The following HELZ variants were observed in gnomAD, a reference collection of about 807,000 sequenced individuals.
HELZ encodes the protein ATP-dependent RNA helicase with zinc finger domain.
Under a neutral mutation model 218.2 loss-of-function variants are expected in HELZ, and 23 were observed. The observed-to-expected ratio is 0.11, with a 90% CI of 0.08 to 0.15. The LOEUF (loss-of-function observed/expected upper bound fraction) is 0.15, where lower values mean the gene tolerates loss of function less well. HELZ is among the 10% of genes least tolerant of loss of function. The pLI, the probability that HELZ is intolerant of heterozygous loss-of-function variation, is 1.00. For synonymous variants in HELZ, 814 were observed against 829.4 expected (o/e 0.98, Z 0.32); for missense variants, 1,813 against 2,353.7 (o/e 0.77, Z 4.75).
chr17:67,137,821 G>A (rs1434118524), intron 22 of HELZ, 110 bp downstream of exon 22: 5 of 796,936 alleles, frequency 6.3e-6, no homozygotes, highest in Non-Finnish European at 9.4e-6. Context: ...AACTTGATAT[G>A]AAATGAACAC....
chr17:67,107,443 T>G lies in HELZ; in HGVS notation c.4967A>C (p.Gln1656Pro). The G allele has an allele frequency of 6.2e-7, 1 of 1,614,164 alleles. No homozygotes were observed. The highest frequency in any genetic ancestry group is 8.5e-7 in the Non-Finnish European group (1 of 1,180,022). ...NPAFPQRLPP[Q>P]IFNSPFSLPS... is the part of the protein sequence containing the mutation. ...CAACGAGAAAGGTGAGTTGAATATC[T>G]GGGGTGGGAGGCGCTGTGGAAATGC... is the stretch of plus-strand genomic sequence containing the variant. The change falls in exon 31 of 33, where the codon CAG (glutamine) becomes CCG (proline). Residue 1656 changes from glutamine to proline, a missense_variant. By Grantham distance (76) the Gln-to-Pro change is moderately conservative. Transcript: ENST00000358691.
At chr17:67,086,798 A>G in intron 32 of HELZ, 31 bp downstream of exon 32, 2 of 1,611,014 alleles carry the variant, frequency 1.2e-6, no homozygotes, top group Non-Finnish European at 1.7e-6. Context: ...TGAGGAGTAC[A>G]GATTAGTTTT....
chr17:67,109,791 T>G lies in HELZ; in HGVS notation c.3919-105A>C, dbSNP rs575992899. Reference sequence around the variant, plus strand: ...ATCTAAAGGATATGATACATTGATATCTTCCAGCAGGAGAGCTGAGTGCTC... The same window carrying G: ...ATCTAAAGGATATGATACATTGATAGCTTCCAGCAGGAGAGCTGAGTGCTC... On this transcript the variant is annotated intron_variant, in intron 28 of 32. Transcript: ENST00000358691. The G allele has an allele frequency of 2.6e-5, 20 of 776,626 alleles. No individual in the cohort carries two copies. In the East Asian group the frequency reaches 5.0e-4, roughly 20 times the overall value. 48.1% of individuals were successfully genotyped at this position (776,626 alleles called of 1,614,324 possible).
At chr17:67,123,876 C>A in intron 25 of HELZ, 87 bp downstream of exon 25, 1 of 836,894 alleles carries the variant, frequency 1.2e-6, no homozygotes, top group Non-Finnish European at 2.1e-6. Flanking sequence ...AAACCATCTC[C>A]CCACCCTCCT....
intron 15 of HELZ, among the ~76,000 whole-genome samples, chr17:67,163,355 G>A (rs1192174488): frequency 1.3e-5 from 2 of 152,116 alleles, no homozygotes; most frequent in East Asian, 3.9e-4. Flanking sequence ...GCCAATGAGT[G>A]GAACAACTTG....
At chr17:67,111,468 C>A (rs1037050173) in intron 28 of HELZ, among the ~76,000 whole-genome samples, 2 of 152,104 alleles carry the variant, frequency 1.3e-5, no homozygotes, top group Non-Finnish European at 2.9e-5. Context: ...AGAGCACTTG[C>A]CTCACCCTAG....
At chr17:67,121,303 T>C (rs1243705716) in intron 26 of HELZ, among the ~76,000 whole-genome samples, 1 of 152,198 alleles carries the variant, frequency 6.6e-6, no homozygotes, top group Non-Finnish European at 1.5e-5. Context: ...ATGCAAACTC[T>C]CAGAAATCTT....
At position 67,089,696 on chromosome 17, in the gene HELZ, G is replaced by GAGAGAGAGAGAGACAGAGAC. The variant is rs34752223; in HGVS notation, c.5242-2616_5242-2615insGTCTCTGTCTCTCTCTCTCT. On this transcript the variant is annotated intron_variant, in intron 31 of 32. Transcript: ENST00000358691. ...AGAGAGAGAGAGAGAGAGAGAGAGA[G>GAGAGAGAGAGAGACAGAGAC]AGAGACAGAGAGACAGAGAGAGAGA... is the stretch of plus-strand genomic sequence containing the variant. Among the ~76,000 whole-genome samples, 6 of 122,702 alleles carry GAGAGAGAGAGAGACAGAGAC rather than the reference G, an allele frequency of 4.9e-5. No homozygotes were observed. The South Asian group carries it at 8.3e-4, about 17-fold the overall frequency. The allele number at this position is 122,702 out of a possible 152,430, so 80.5% of individuals were successfully genotyped here.
Position 67,128,838 on chromosome 17 carries a change from A to C in HELZ, c.3200T>G (p.Phe1067Cys), listed in dbSNP as rs757699823. ...IGRCRKFWERFIALCHENSSL... is the reference protein window; with the variant it reads ...IGRCRKFWERCIALCHENSSL... Reference sequence around the variant, plus strand: ...ACTGTTTTCATGACACAGGGCAATAAACCGTTCCCAAAATTTCCTACAGAA... The same window carrying C: ...ACTGTTTTCATGACACAGGGCAATACACCGTTCCCAAAATTTCCTACAGAA... The change falls in exon 24 of 33, where the codon TTT (phenylalanine) becomes TGT (cysteine). Residue 1067 changes from phenylalanine (F) to cysteine (C), a missense_variant. By Grantham distance (205) the Phe-to-Cys change is radical (BLOSUM62 -2). Coordinates refer to ENST00000358691, the MANE Select transcript of HELZ (RefSeq NM_014877.4). 6.2e-7 allele frequency: 1 copy of C among 1,613,820 alleles called. No individual in the cohort carries two copies. The highest frequency in any genetic ancestry group is 1.3e-5 in the African/African-American group (1 of 74,924).
intron 17 of HELZ, among the ~76,000 whole-genome samples, chr17:67,156,225 T>C (rs1396967283): frequency 2.6e-5 from 4 of 151,886 alleles, no homozygotes; most frequent in Admixed American, 6.6e-5. Context: ...TAAATACTAA[T>C]CTAAAACAAA....
chr17:67,114,879 G>GTAATAGATA (rs1218519339), intron 27 of HELZ, among the ~76,000 whole-genome samples: 2 of 152,168 alleles, frequency 1.3e-5, no homozygotes, highest in African/African-American at 2.4e-5. Flanking sequence ...CTGCTTAAAA[G>GTAATAGATA]TAATAGATAT....
intron 31 of HELZ, among the ~76,000 whole-genome samples, chr17:67,100,387 G>C (rs1424798455): frequency 6.6e-6 from 1 of 152,162 alleles, no homozygotes; most frequent in Non-Finnish European, 1.5e-5. Flanking sequence ...TTTACTGAAA[G>C]CTGATCAAAG....
chr17:67,149,481 C>CA (rs538545134), intron 19 of HELZ, among the ~76,000 whole-genome samples: 2 of 151,218 alleles, frequency 1.3e-5, no homozygotes, highest in African/African-American at 2.4e-5. Context: ...TCTATTACAC[C>CA]AAAAAAAATT....
At chr17:67,240,195 G>C (rs184560942) in intron 2 of HELZ, among the ~76,000 whole-genome samples, 31 of 152,288 alleles carry the variant, frequency 2.0e-4, no homozygotes, top group African/African-American at 7.0e-4. Context: ...ACTTATCACA[G>C]AAAATAAGAA....
Position 67,074,268 on chromosome 17 carries a change from T to C in HELZ, c.*3984A>G, listed in dbSNP as rs976524040. ...GCTGGAGGGAAAAAAAAAAACACAATGGCTAGCTTACATGACATTTGAAAG... is the reference window on the plus strand; with the variant it reads ...GCTGGAGGGAAAAAAAAAAACACAACGGCTAGCTTACATGACATTTGAAAG... On this transcript the variant is annotated 3_prime_UTR_variant, in exon 33 of 33. Coordinates refer to ENST00000358691, the MANE Select transcript of HELZ (RefSeq NM_014877.4). 3.4e-5 allele frequency: 5 copies of C among 148,844 alleles called. No individual in the cohort carries two copies. Among genetic ancestry groups the C allele is most frequent in the Non-Finnish European group, 7.4e-5 (5 of 67,480 alleles). The allele number at this position is 148,844 out of a possible 1,614,324, so 9.2% of individuals were successfully genotyped here. A position where few individuals can be genotyped will look rare whatever the true frequency, so the allele number is the denominator to read the frequency against.
At chr17:67,129,821 CAT>C (rs980401188) in intron 23 of HELZ, among the ~76,000 whole-genome samples, 12 of 151,926 alleles carry the variant, frequency 7.9e-5, no homozygotes, top group African/African-American at 2.7e-4. Context: ...CAAAAGACAA[CAT>C]ATAAAGTTTT....
chr17:67,126,794 G>A (rs1251847545), intron 24 of HELZ, among the ~76,000 whole-genome samples: 1 of 152,122 alleles, frequency 6.6e-6, no homozygotes, highest in Non-Finnish European at 1.5e-5. Flanking sequence ...CCGGGAGGCG[G>A]AGGCTGCAGT....
rs532587770 is a variant in HELZ, at chr17:67,138,225, T to A, written c.2770-111A>T. 1.9e-4 allele frequency: 103 copies of A among 541,802 alleles called. No individual in the cohort carries two copies. Among genetic ancestry groups the A allele is most frequent in the East Asian group, 4.8e-4 (13 of 27,314 alleles). The allele number at this position is 541,802 out of a possible 1,614,324, so 33.6% of individuals were successfully genotyped here. On this transcript the variant is annotated intron_variant, in intron 21 of 32. Coordinates refer to ENST00000358691, the MANE Select transcript of HELZ (RefSeq NM_014877.4). The stretch of plus-strand genomic sequence containing the variant: ...GGATCCCATTTTAGCAGATGTCATT[T>A]AAAAAAAAAAAAAAACTACCCCTAA...
intron 21 of HELZ, among the ~76,000 whole-genome samples, chr17:67,143,083 T>TA: frequency 6.6e-6 from 1 of 152,198 alleles, no homozygotes; most frequent in South Asian, 2.1e-4. Context: ...TTAAAAATGA[T>TA]AAAAAGAGGT....
Sources: gnomAD v4.1 joint callset for allele counts (sites outside exome capture counted in the v4.1 genomes callset) on GRCh38, gnomAD v4.1.1 for gene constraint, MANE v1.5 for transcripts, NCBI Gene and HGNC (gene_info 2026-07-23, HGNC 2026-07-21) for gene names.